The following CASQ2 variants were observed in gnomAD, a reference collection of about 807,000 sequenced individuals.
CASQ2 encodes calsequestrin 2, also known as calsequestrin-2.
CASQ2 carries 49 observed loss-of-function variants against 46.5 expected under a neutral mutation model. The observed-to-expected ratio is 1.05, with a 90% CI of 0.84 to 1.34. The LOEUF (loss-of-function observed/expected upper bound fraction) is 1.34. CASQ2 is among the 40% of genes most tolerant of loss of function. CASQ2 has a pLI of 0.00. For synonymous variants in CASQ2, 174 were observed against 168.5 expected, an observed-to-expected ratio of 1.03 and a Z score of -0.25; for missense variants, 486 against 481.3, an observed-to-expected ratio of 1.01 and a Z score of -0.09.
Position 115,701,078 on chromosome 1 carries a change from C to T in CASQ2, c.*163G>A. On this transcript the variant is annotated 3_prime_UTR_variant, in exon 11 of 11. Transcript: ENST00000261448. ...ATTGCTGCATTTGAAAAGGCATTTG[C>T]TGAATGATGCTGCTCCTGACGCAAA... 2 of 1,049,614 alleles carry T rather than the reference C, an allele frequency of 1.9e-6. No homozygotes were observed. Among genetic ancestry groups the T allele is most frequent in the Non-Finnish European group, 2.9e-6 (2 of 680,436 alleles). The allele number at this position is 1,049,614 out of a possible 1,614,324, so 65.0% of individuals were successfully genotyped here. A position where few individuals can be genotyped will look rare whatever the true frequency, so the allele number is the denominator to read the frequency against.
chr1:115,768,551 C>T lies in CASQ2; in HGVS notation c.-10G>A. 6.3e-7 allele frequency: 1 copy of T among 1,579,178 alleles called. No homozygotes were observed. Among genetic ancestry groups the T allele is most frequent in the Non-Finnish European group, 8.7e-7 (1 of 1,148,602 alleles). ...AGTGAGTTCTCTTCATTTGGGAAAA[C>T]TTTTGTTTCTCGTTCCCAAATATGC... On this transcript the variant is annotated 5_prime_UTR_variant, in exon 1 of 11. Coordinates refer to ENST00000261448, the MANE Select transcript of CASQ2 (RefSeq NM_001232.4).
In CASQ2 at chr1:115,740,801, A is replaced by G; in HGVS notation, c.347T>C (p.Ile116Thr). The G allele has an allele frequency of 1.2e-6, 2 of 1,613,292 alleles. No individual in the cohort carries two copies. Among genetic ancestry groups the G allele is most frequent in the Non-Finnish European group, 1.7e-6 (2 of 1,179,260 alleles). The change falls in exon 3 of 11, where the codon ATT (isoleucine) becomes ACT (threonine). Residue 116 changes from isoleucine (I) to threonine (T), a missense_variant. Ile to Thr is a moderately conservative substitution (Grantham distance 89). Transcript: ENST00000261448. ...LGFDEEGSLY[I>T]LKGDRTIEFD... Reference sequence around the variant, plus strand: ...CTCTATTGTGCGATCACCCTTAAGAATATACAGGCTTCCTTCTTCATCAAA... The same window carrying G: ...CTCTATTGTGCGATCACCCTTAAGAGTATACAGGCTTCCTTCTTCATCAAA...
chr1:115,742,172 G>A (rs1392133863), intron 2 of CASQ2, among the ~76,000 whole-genome samples: 1 of 151,616 alleles, frequency 6.6e-6, no homozygotes, highest in Non-Finnish European at 1.5e-5. Context: ...CTATGATGCT[G>A]GCTAATTTTT....
chr1:115,713,635 G>A lies in CASQ2; in HGVS notation c.838+4205C>T, dbSNP rs973343872. On this transcript the variant is annotated intron_variant, in intron 8 of 10. Coordinates refer to ENST00000261448, the MANE Select transcript of CASQ2 (RefSeq NM_001232.4). ...CTGTGTAATCTTAGATCCCAAACCT[G>A]GACAGACAGTGGGAGGAAGCCTGAC... 2.6e-5 allele frequency among the ~76,000 whole-genome samples: 4 copies of A among 152,314 alleles called. No homozygotes were observed. The South Asian group carries it at 6.2e-4, about 24-fold the overall frequency.
At chr1:115,701,448 A>ATGAG (rs1489287610) in intron 10 of CASQ2, 22 bp from the exon 11 acceptor site, 1 of 1,495,064 alleles carries the variant, frequency 6.7e-7, no homozygotes, top group East Asian at 2.3e-5. Flanking sequence ...GACAAAATGA[A>ATGAG]TGAGTGGGTA....
intron 2 of CASQ2, among the ~76,000 whole-genome samples, chr1:115,743,213 A>G (rs917351510): frequency 1.3e-4 from 19 of 151,214 alleles, no homozygotes; most frequent in Admixed American, 7.9e-4. Flanking sequence ...TTATTTATTT[A>G]TTTATTTATT....
chr1:115,761,154 C>G (rs952173903), intron 1 of CASQ2, among the ~76,000 whole-genome samples: 5 of 151,398 alleles, frequency 3.3e-5, no homozygotes, highest in African/African-American at 1.2e-4. Context: ...TTTTCCCAAG[C>G]ACTGCTACCT....
In CASQ2 at chr1:115,725,553, TC is replaced by T; in HGVS notation, c.738-1del. 1 of 1,405,426 alleles carries T rather than the reference TC, an allele frequency of 7.1e-7. No homozygotes were observed. Among genetic ancestry groups the T allele is most frequent in the African/African-American group, 2.0e-5 (1 of 49,012 alleles). 87.1% of individuals were successfully genotyped at this position (1,405,426 alleles called of 1,614,324 possible). A position where few individuals can be genotyped will look rare whatever the true frequency, so the allele number is the denominator to read the frequency against. ...CTGGGCGCAGGCGACGTAGAGTGGG[TC>T]TGGAAAAAAAAAAAAAAAAAAAAAA... On this transcript the variant is annotated splice_acceptor_variant, in intron 6 of 10. Coordinates refer to ENST00000261448, the MANE Select transcript of CASQ2 (RefSeq NM_001232.4). LOFTEE classifies it high-confidence loss of function.
rs369016832 is a variant in CASQ2, at chr1:115,725,277, A to C, written c.783+231T>G. 5.9e-5 allele frequency among the ~76,000 whole-genome samples: 9 copies of C among 152,074 alleles called. No individual in the cohort carries two copies. The East Asian group carries it at 1.3e-3, about 23-fold the overall frequency. ...GAGACAGGGTTTTGCTATGTTGCCC[A>C]GGCTGCTCTCAGACACCTGAACTCA... On this transcript the variant is annotated intron_variant, in intron 7 of 10. Transcript: ENST00000261448.
At chr1:115,762,716 C>T (rs1339652952) in intron 1 of CASQ2, among the ~76,000 whole-genome samples, 1 of 152,170 alleles carries the variant, frequency 6.6e-6, no homozygotes, top group African/African-American at 2.4e-5. Flanking sequence ...CCGGAAAAAG[C>T]TTTTGTCCTT....
At chr1:115,745,867 C>T (rs577121556) in intron 1 of CASQ2, among the ~76,000 whole-genome samples, 3 of 152,226 alleles carry the variant, frequency 2.0e-5, no homozygotes, top group Non-Finnish European at 4.4e-5. Flanking sequence ...TCTTGCAAAA[C>T]GGAGGTACAA....
rs139397235 is a variant in CASQ2 at position 115,736,964 on chromosome 1, C to T, written c.532+1260G>A. On this transcript the variant is annotated intron_variant, in intron 4 of 10. Coordinates refer to ENST00000261448, the MANE Select transcript of CASQ2 (RefSeq NM_001232.4). ...GATGATTCGTCTAGGCGGGGGAAGA[C>T]GCCAAGGGTACTGAAAGGTGTGCTC... Among the ~76,000 whole-genome samples the T allele has an allele frequency of 4.8e-3, 725 of 152,188 alleles. 5 individuals carry two copies. The highest frequency in any genetic ancestry group is 8.3e-3 in the Non-Finnish European group (564 of 68,022).
chr1:115,723,347 T>C (rs920714288), intron 7 of CASQ2, among the ~76,000 whole-genome samples: 12 of 151,890 alleles, frequency 7.9e-5, no homozygotes, highest in African/African-American at 2.9e-4. Flanking sequence ...CATCTATCTA[T>C]GTATCTATGT....
At chr1:115,738,403 G>T in intron 3 of CASQ2, 68 bp from the exon 4 acceptor site, 3 of 1,006,780 alleles carry the variant, frequency 3.0e-6, no homozygotes, top group Non-Finnish European at 3.2e-6. Flanking sequence ...GGGAAACAGA[G>T]TGCATTGGAG....
rs148959204 is a variant in CASQ2 at position 115,735,457 on chromosome 1, C to A, written c.533-2483G>T. Among the ~76,000 whole-genome samples, 26 of 152,288 alleles carry A rather than the reference C, an allele frequency of 1.7e-4. No individual in the cohort carries two copies. The East Asian group carries it at 4.6e-3, about 27-fold the overall frequency. ...AAAAAAGGCTAGATCTTGCTAAACACCTACTTGAATGTACTTAATTGAAAA... is the reference window on the plus strand; with the variant it reads ...AAAAAAGGCTAGATCTTGCTAAACAACTACTTGAATGTACTTAATTGAAAA... On this transcript the variant is annotated intron_variant, in intron 4 of 10. Transcript: ENST00000261448.
intron 3 of CASQ2, 139 bp downstream of exon 3, chr1:115,740,589 C>T (rs112617409): frequency 2.4e-5 from 16 of 677,990 alleles, no homozygotes; most frequent in South Asian, 1.8e-4. Context: ...TATAGGTGCT[C>T]CTTAGTTTTT....
chr1:115,711,004 A>T (rs781215276), intron 8 of CASQ2, among the ~76,000 whole-genome samples: 11 of 152,198 alleles, frequency 7.2e-5, no homozygotes, highest in Admixed American at 1.3e-4. Flanking sequence ...CCAAGTCAGG[A>T]GCCAAGGCCA....
intron 1 of CASQ2, among the ~76,000 whole-genome samples, chr1:115,755,334 TAGTCCCTCCCTCA>T (rs199546350): frequency 0.068 from 10,416 of 152,206 alleles, 1,216 homozygotes; most frequent in African/African-American, 0.24. Context: ...CCTCCTCTGG[TAGTCCCTCCCTCA>T]AACTCTCCTT....
chr1:115,725,082 T>C (rs1337235615), intron 7 of CASQ2, among the ~76,000 whole-genome samples: 3 of 152,110 alleles, frequency 2.0e-5, no homozygotes, highest in African/African-American at 4.8e-5. Flanking sequence ...GTTTCATTTT[T>C]TTGAAACAGT....
Sources: allele counts gnomAD v4.1 joint callset (sites outside exome capture counted in the v4.1 genomes callset), GRCh38; gene constraint gnomAD v4.1.1; transcripts MANE v1.5; gene names NCBI Gene and HGNC (gene_info 2026-07-23, HGNC 2026-07-21).